The following PDS5B variants were observed in gnomAD, a reference collection of about 807,000 sequenced individuals.
The protein encoded by PDS5B is sister chromatid cohesion protein PDS5 homolog B.
Under a neutral mutation model 184.1 loss-of-function variants are expected in PDS5B, and 51 were observed. That is an observed-to-expected ratio of 0.28 (90% CI 0.22 to 0.35). The LOEUF is 0.35. Ranked by LOEUF, PDS5B falls within the 10% of genes least tolerant of loss-of-function variation. The pLI, the probability that PDS5B is intolerant of heterozygous loss-of-function variation, is 1.00. For missense variants in PDS5B, 1,180 were observed against 1,723.3 expected, an observed-to-expected ratio of 0.68 and a Z score of 5.58; for synonymous variants, 566 against 569.2, an observed-to-expected ratio of 0.99 and a Z score of 0.08.
intron 21 of PDS5B, among the ~76,000 whole-genome samples, 199 bp from the exon 22 acceptor site, chr13:32,740,881 A>G (rs533704400): frequency 2.6e-5 from 4 of 152,174 alleles, no homozygotes; most frequent in South Asian, 4.2e-4. Context: ...AGTGCTGTAC[A>G]TAGGCGCTAG....
intron 2 of PDS5B, among the ~76,000 whole-genome samples, chr13:32,651,197 T>C (rs1424231979): frequency 2.0e-5 from 3 of 152,212 alleles, no homozygotes; most frequent in Admixed American, 2.0e-4. Flanking sequence ...TGCAACTGAA[T>C]TAATGAATTA....
intron 1 of PDS5B, among the ~76,000 whole-genome samples, chr13:32,606,861 A>C (rs374828557): frequency 2.0e-5 from 3 of 152,196 alleles, no homozygotes; most frequent in Non-Finnish European, 4.4e-5. Context: ...CAGATCGGCT[A>C]CTGAAGCTTG....
chr13:32,742,993 G>T (rs920064709), intron 23 of PDS5B, among the ~76,000 whole-genome samples: 2 of 150,384 alleles, frequency 1.3e-5, no homozygotes, highest in African/African-American at 4.9e-5. Flanking sequence ...AAGTGTGAGT[G>T]TACCAGTCAA....
chr13:32,615,970 T>C (rs1228418037), intron 1 of PDS5B, among the ~76,000 whole-genome samples: 2 of 152,178 alleles, frequency 1.3e-5, no homozygotes, highest in African/African-American at 4.8e-5. Context: ...AAGACTTCCT[T>C]GATACTATGA....
chr13:32,695,593 T>C (rs756088934), intron 14 of PDS5B, among the ~76,000 whole-genome samples: 37 of 151,998 alleles, frequency 2.4e-4, no homozygotes, highest in Non-Finnish European at 4.3e-4. Flanking sequence ...TATAAAATTA[T>C]TTGTGTTTAG....
At position 32,776,344 on chromosome 13, in the gene PDS5B, G is replaced by A. The variant is rs79565744; in HGVS notation, c.*1292G>A. The A allele has an allele frequency of 0.047, 7,119 of 152,554 alleles. 472 individuals are homozygous for A. Among genetic ancestry groups the A allele is most frequent in the African/African-American group, 0.15 (6,312 of 41,514 alleles). The allele number at this position is 152,554 out of a possible 1,614,324, so 9.5% of individuals were successfully genotyped here. A position where few individuals can be genotyped will look rare whatever the true frequency, so the allele number is the denominator to read the frequency against. ...TATATCAGCTACTGTAGTTGTCACA[G>A]TCTTGTGAACTTTGAATGAAATTCC... On this transcript the variant is annotated 3_prime_UTR_variant, in exon 35 of 35. Coordinates refer to ENST00000315596, the MANE Select transcript of PDS5B (RefSeq NM_015032.4).
At chr13:32,741,055 T>TTC in intron 21 of PDS5B, 25 bp from the exon 22 acceptor site, 1 of 1,306,504 alleles carries the variant, frequency 7.7e-7, no homozygotes, top group Non-Finnish European at 1.1e-6. Flanking sequence ...TCCCTGGTTT[T>TTC]TTTTTTTTTC....
At chr13:32,627,302 G>A (rs1314729742) in intron 1 of PDS5B, among the ~76,000 whole-genome samples, 1 of 152,142 alleles carries the variant, frequency 6.6e-6, no homozygotes, top group Non-Finnish European at 1.5e-5. Context: ...TTAAGCAGAT[G>A]GATGCTATCT....
chr13:32,729,178 T>C (rs368671689), intron 19 of PDS5B, among the ~76,000 whole-genome samples: 2 of 152,154 alleles, frequency 1.3e-5, no homozygotes, highest in East Asian at 1.9e-4. Context: ...CTTCCACTTA[T>C]GAGTGAGAAC....
intron 30 of PDS5B, among the ~76,000 whole-genome samples, chr13:32,764,071 A>G (rs1161187563): frequency 6.6e-6 from 1 of 151,988 alleles, no homozygotes; most frequent in African/African-American, 2.4e-5. Context: ...ACGGGAAGGC[A>G]GTCAGTACGT....
At chr13:32,764,671 C>T in intron 31 of PDS5B, 77 bp downstream of exon 31, 3 of 697,276 alleles carry the variant, frequency 4.3e-6, no homozygotes, top group Non-Finnish European at 6.9e-6. Context: ...AACCAGTTAA[C>T]ATGACTATCA....
At chr13:32,659,979 A>G (rs1439105546) in intron 6 of PDS5B, among the ~76,000 whole-genome samples, 1 of 152,188 alleles carries the variant, frequency 6.6e-6, no homozygotes, top group East Asian at 1.9e-4. Context: ...CTTAAAGAAA[A>G]CAGTCTCTGA....
intron 1 of PDS5B, among the ~76,000 whole-genome samples, chr13:32,599,827 A>G (rs1164198572): frequency 6.6e-6 from 1 of 151,990 alleles, no homozygotes; most frequent in Non-Finnish European, 1.5e-5. Flanking sequence ...AGGCAGGAGA[A>G]TGGTGTGAAA....
At chr13:32,597,090 G>C (rs1472776907) in intron 1 of PDS5B, among the ~76,000 whole-genome samples, 2 of 151,938 alleles carry the variant, frequency 1.3e-5, no homozygotes, top group Non-Finnish European at 2.9e-5. Context: ...CTAGAGTTTA[G>C]TGGCGCCATC....
intron 1 of PDS5B, among the ~76,000 whole-genome samples, chr13:32,613,330 T>C (rs989949227): frequency 2.0e-5 from 3 of 152,248 alleles, no homozygotes; most frequent in African/African-American, 7.2e-5. Flanking sequence ...TTTCCAGAGC[T>C]ACTGCATCAT....
At chr13:32,660,408 GC>G in intron 6 of PDS5B, among the ~76,000 whole-genome samples, 1 of 152,344 alleles carries the variant, frequency 6.6e-6, no homozygotes, top group East Asian at 1.9e-4. Context: ...AAGCTCTACT[GC>G]CTGTGTGCTC....
rs188146128 is a variant in PDS5B at position 32,608,566 on chromosome 13, C to T, written c.-20+21973C>T. 8.5e-5 allele frequency among the ~76,000 whole-genome samples: 13 copies of T among 152,144 alleles called. No individual in the cohort carries two copies. In the East Asian group the frequency reaches 1.5e-3, roughly 18 times the overall value. Reference sequence around the variant, plus strand: ...GTTAGGGCTGGCAGTTGGGAAGGGACGATAGACATGAAGTGGGGGAGATCA... The same window carrying T: ...GTTAGGGCTGGCAGTTGGGAAGGGATGATAGACATGAAGTGGGGGAGATCA... On this transcript the variant is annotated intron_variant, in intron 1 of 34. Coordinates refer to ENST00000315596, the MANE Select transcript of PDS5B (RefSeq NM_015032.4).
intron 14 of PDS5B, 75 bp from the exon 15 acceptor site, chr13:32,696,779 C>A: frequency 1.0e-6 from 1 of 983,890 alleles, no homozygotes; most frequent in Non-Finnish European, 1.6e-6. Flanking sequence ...TTATGCTTGT[C>A]TAATTTTTTG....
chr13:32,706,912 G>T (rs1240926364), intron 17 of PDS5B, 22 bp from the exon 18 acceptor site: 1 of 1,477,076 alleles, frequency 6.8e-7, no homozygotes, highest in African/African-American at 1.4e-5. Context: ...TTGAAAAAAT[G>T]ACTTTTTTGG....
Sources: allele counts gnomAD v4.1 joint callset (sites outside exome capture counted in the v4.1 genomes callset), GRCh38; gene constraint gnomAD v4.1.1; transcripts MANE v1.5; gene names NCBI Gene and HGNC (gene_info 2026-07-23, HGNC 2026-07-21).